PARVA: variants seen among roughly 807,000 people sequenced by gnomAD.
PARVA encodes the protein alpha-parvin.
PARVA carries 25 observed loss-of-function variants against 52.6 expected under a neutral mutation model. The observed-to-expected ratio is 0.48, with a 90% confidence interval of 0.35 to 0.66. PARVA has a LOEUF of 0.66. PARVA is among the 30% of genes least tolerant of loss of function. The pLI, the probability that PARVA is intolerant of heterozygous loss-of-function variation, is 0.01. For missense variants in PARVA, 373 were observed against 450.9 expected, an observed-to-expected ratio of 0.83 and a Z score of 1.56; for synonymous variants, 185 against 179.1, an observed-to-expected ratio of 1.03 and a Z score of -0.26.
At chr11:12,501,815 T>C (rs1941366593) in intron 5 of PARVA, among the ~76,000 whole-genome samples, 1 of 152,246 alleles carries the variant, frequency 6.6e-6, no homozygotes, top group Non-Finnish European at 1.5e-5. Context: ...GACATCTATA[T>C]GATGCTTATG....
intron 1 of PARVA, among the ~76,000 whole-genome samples, chr11:12,461,528 C>T (rs1197242094): frequency 6.6e-6 from 1 of 152,166 alleles, no homozygotes; most frequent in Non-Finnish European, 1.5e-5. Context: ...GTTCCCTGGG[C>T]CCTGTATGCC....
At chr11:12,445,918 T>C (rs975142892) in intron 1 of PARVA, among the ~76,000 whole-genome samples, 1 of 152,210 alleles carries the variant, frequency 6.6e-6, no homozygotes, top group South Asian at 2.1e-4. Context: ...AAATGCCAGA[T>C]GGTTTAAAGA....
intron 10 of PARVA, among the ~76,000 whole-genome samples, chr11:12,515,376 GCTT>G (rs1478052842): frequency 6.6e-6 from 1 of 152,156 alleles, no homozygotes; most frequent in East Asian, 1.9e-4. Flanking sequence ...TGTGAAATGA[GCTT>G]CATGTACTCT....
At chr11:12,477,654 A>C (rs866112024) in intron 3 of PARVA, among the ~76,000 whole-genome samples, 193 bp from the exon 4 acceptor site, 352 of 152,134 alleles carry the variant, frequency 2.3e-3, no homozygotes, top group African/African-American at 8.1e-3. Context: ...AGGTTGAGGC[A>C]GGAAGATCAC....
At chr11:12,412,417 C>G (rs1940003478) in intron 1 of PARVA, among the ~76,000 whole-genome samples, 1 of 152,172 alleles carries the variant, frequency 6.6e-6, no homozygotes, top group Non-Finnish European at 1.5e-5. Flanking sequence ...AGGCCGTTTT[C>G]TCCCTGCCCC....
At chr11:12,478,437 C>G in intron 4 of PARVA, 1 of 241,764 alleles carries the variant, frequency 4.1e-6, no homozygotes, top group South Asian at 5.8e-5. Flanking sequence ...AATGTAAGGA[C>G]AATGGGGAGA....
chr11:12,432,212 T>G lies in PARVA; in HGVS notation c.137-41533T>G, dbSNP rs192333519. Among the ~76,000 whole-genome samples, 584 of 152,294 alleles carry G rather than the reference T, an allele frequency of 3.8e-3. 7 individuals are homozygous for G. The highest frequency in any genetic ancestry group is 0.014 in the African/African-American group (562 of 41,550). On this transcript the variant is annotated intron_variant, in intron 1 of 12. Coordinates refer to ENST00000334956, the MANE Select transcript of PARVA (RefSeq NM_018222.5). ...TCACCTGTCTCTTGAAAAATATTGC[T>G]CACACATGTTAAAGAATTTATATTA...
intron 12 of PARVA, among the ~76,000 whole-genome samples, chr11:12,527,559 C>T (rs1454217798): frequency 2.0e-5 from 3 of 152,152 alleles, no homozygotes; most frequent in East Asian, 3.9e-4. Context: ...CCCTCCTTTT[C>T]ACCACCCATG....
chr11:12,513,021 A>G, intron 8 of PARVA: 1 of 605,746 alleles, frequency 1.7e-6, no homozygotes, highest in Non-Finnish European at 3.1e-6. Context: ...AAGGGAAATG[A>G]CTAATCCCGG....
chr11:12,472,920 G>C (rs1036650994), intron 1 of PARVA, among the ~76,000 whole-genome samples: 4 of 152,172 alleles, frequency 2.6e-5, no homozygotes, highest in African/African-American at 9.7e-5. Flanking sequence ...GAATTCTTTT[G>C]TACTAAGGCT....
At chr11:12,437,827 G>T (rs1354244284) in intron 1 of PARVA, among the ~76,000 whole-genome samples, 1 of 152,172 alleles carries the variant, frequency 6.6e-6, no homozygotes, top group Admixed American at 6.5e-5. Context: ...GTGGCAGCTT[G>T]GTCGGTGCTT....
intron 1 of PARVA, among the ~76,000 whole-genome samples, chr11:12,439,709 C>T (rs1029813554): frequency 5.3e-5 from 8 of 152,196 alleles, no homozygotes; most frequent in African/African-American, 1.9e-4. Flanking sequence ...TCCCACCCCA[C>T]TTCCTATCCT....
chr11:12,514,207 G>C, intron 10 of PARVA, 142 bp downstream of exon 10: 1 of 634,122 alleles, frequency 1.6e-6, no homozygotes, highest in South Asian at 2.0e-5. Context: ...CTGAGGGGTG[G>C]ACTGAGTCTC....
In PARVA at chr11:12,531,990, C is replaced by T. The variant is rs1286670492; in HGVS notation, c.*4065C>T. ...GCTACATTTACAAATACCAGAGTTTCGACTGTGTTTTTACTCTCTGCTCCC... is the reference window on the plus strand; with the variant it reads ...GCTACATTTACAAATACCAGAGTTTTGACTGTGTTTTTACTCTCTGCTCCC... On this transcript the variant is annotated 3_prime_UTR_variant, in exon 13 of 13. Coordinates refer to ENST00000334956, the MANE Select transcript of PARVA (RefSeq NM_018222.5). 3.3e-5 allele frequency among the ~76,000 whole-genome samples: 5 copies of T among 152,282 alleles called. No individual in the cohort carries two copies. Among genetic ancestry groups the T allele is most frequent in the South Asian group, 4.2e-4 (2 of 4,816 alleles).
rs1022472727 is a variant in PARVA at position 12,531,073 on chromosome 11, G to A, written c.*3148G>A. On this transcript the variant is annotated 3_prime_UTR_variant, in exon 13 of 13. Coordinates refer to ENST00000334956, the MANE Select transcript of PARVA (RefSeq NM_018222.5). ...CATTTTTATATATTACCAGGACTAC[G>A]AATTTGTAATCCACTAAGCATCACA... is the stretch of plus-strand genomic sequence containing the variant. Among the ~76,000 whole-genome samples the A allele has an allele frequency of 4.6e-5, 7 of 152,222 alleles. No individual in the cohort carries two copies. The highest frequency in any genetic ancestry group is 9.6e-5 in the African/African-American group (4 of 41,522).
At chr11:12,402,716 CCTT>C (rs962553749) in intron 1 of PARVA, among the ~76,000 whole-genome samples, 5 of 152,154 alleles carry the variant, frequency 3.3e-5, no homozygotes, top group African/African-American at 1.2e-4. Context: ...GAGCTGTTTT[CCTT>C]CTTCACAATT....
chr11:12,492,339 T>C (rs1941244117), intron 4 of PARVA, among the ~76,000 whole-genome samples: 1 of 152,204 alleles, frequency 6.6e-6, no homozygotes, highest in Non-Finnish European at 1.5e-5. Context: ...TTCAAAATCA[T>C]GCCTAATACT....
chr11:12,489,239 ATGTTTT>A (rs1589977639), intron 4 of PARVA, among the ~76,000 whole-genome samples: 2 of 152,100 alleles, frequency 1.3e-5, no homozygotes, highest in East Asian at 3.8e-4. Flanking sequence ...GTCAAAATAA[ATGTTTT>A]TAAAGACTTA....
chr11:12,436,229 T>C (rs1940386213), intron 1 of PARVA, among the ~76,000 whole-genome samples: 1 of 152,250 alleles, frequency 6.6e-6, no homozygotes, highest in Non-Finnish European at 1.5e-5. Flanking sequence ...GGTAGGATGA[T>C]TGAGCCCATA....
Sources: allele counts gnomAD v4.1 joint callset (sites outside exome capture counted in the v4.1 genomes callset), GRCh38; gene constraint gnomAD v4.1.1; transcripts MANE v1.5; gene names NCBI Gene and HGNC (gene_info 2026-07-23, HGNC 2026-07-21).